Variants in PDE1A observed in about 807,000 individuals in gnomAD.
PDE1A encodes phosphodiesterase 1A, also known as dual specificity calcium/calmodulin-dependent 3',5'-cyclic nucleotide phosphodiesterase 1A.
In PDE1A, 35 loss-of-function variants were observed where a neutral mutation model predicts 61.7. The observed-to-expected ratio is 0.57, with a 90% CI of 0.43 to 0.75. PDE1A has a LOEUF of 0.75. Among genes scored for constraint, PDE1A ranks in the 30% least tolerant of loss-of-function variants. The pLI, the probability that PDE1A is intolerant of heterozygous loss-of-function variation, is 0.00. For synonymous variants in PDE1A, 232 were observed against 213.2 expected (o/e 1.09, Z -0.77); for missense variants, 597 against 630.6 (o/e 0.95, Z 0.57).
chr2:182,703,456 C>G, the PDE1A span, among the ~76,000 whole-genome samples: 1 of 152,084 alleles, frequency 6.6e-6, no homozygotes, highest in Admixed American at 6.6e-5. Flanking sequence ...GAGAAGAATC[C>G]TAAAAGAGCT....
At chr2:182,343,484 G>A (rs912880008) in intron 1 of PDE1A, among the ~76,000 whole-genome samples, 4 of 152,086 alleles carry the variant, frequency 2.6e-5, no homozygotes, top group African/African-American at 9.7e-5. Flanking sequence ...TACAATATTA[G>A]TATAATATGT....
chr2:182,715,130 A>G, the PDE1A span, among the ~76,000 whole-genome samples: 11 of 152,314 alleles, frequency 7.2e-5, no homozygotes, highest in African/African-American at 2.6e-4. Flanking sequence ...GTGTGTAACA[A>G]AATGGTTACA....
At chr2:182,379,597 T>A (rs1402152579) in intron 1 of PDE1A, among the ~76,000 whole-genome samples, 1 of 152,192 alleles carries the variant, frequency 6.6e-6, no homozygotes. Flanking sequence ...TGACTAAATA[T>A]TCCTGTAAAG....
chr2:182,190,979 C>T (rs1247869696), intron 10 of PDE1A, among the ~76,000 whole-genome samples: 1 of 151,728 alleles, frequency 6.6e-6, no homozygotes, highest in East Asian at 1.9e-4. Flanking sequence ...AAAAAAAATC[C>T]ATAATTTAGA....
chr2:182,157,864 C>CA (rs1283979432), intron 13 of PDE1A, among the ~76,000 whole-genome samples: 1 of 152,158 alleles, frequency 6.6e-6, no homozygotes, highest in Non-Finnish European at 1.5e-5. Context: ...AGCTTGAAGC[C>CA]ACCAAATCTT....
At chr2:182,220,499 A>G (rs1688626518) in intron 7 of PDE1A, among the ~76,000 whole-genome samples, 2 of 152,112 alleles carry the variant, frequency 1.3e-5, no homozygotes, top group Admixed American at 1.3e-4. Context: ...TTTGTCTCAT[A>G]AAGCTAACAA....
At chr2:182,264,159 C>A in intron 2 of PDE1A, 142 bp downstream of exon 2, 1 of 546,930 alleles carries the variant, frequency 1.8e-6, no homozygotes, top group South Asian at 3.0e-5. Flanking sequence ...TGAAGAAGAA[C>A]ATTTCAAATT....
chr2:182,516,868 A>AGGGAGGGGGG (rs1553636799), intron 2 of PDE1A, among the ~76,000 whole-genome samples: 1 of 148,700 alleles, frequency 6.7e-6, no homozygotes, highest in African/African-American at 2.5e-5. Context: ...GGAGGGAGGA[A>AGGGAGGGGGG]GATGAATCTT....
chr2:182,669,339 G>A, the PDE1A span, among the ~76,000 whole-genome samples: 1 of 152,152 alleles, frequency 6.6e-6, no homozygotes, highest in South Asian at 2.1e-4. Flanking sequence ...TAAAGTGATG[G>A]GAATTATTGT....
chr2:182,624,135 A>C, the PDE1A span, among the ~76,000 whole-genome samples: 1 of 151,806 alleles, frequency 6.6e-6, no homozygotes, highest in Admixed American at 6.6e-5. Flanking sequence ...AAAAAAAAAA[A>C]AAAAAAAGAA....
chr2:182,358,602 C>T (rs1240695878), intron 1 of PDE1A, among the ~76,000 whole-genome samples: 1 of 152,126 alleles, frequency 6.6e-6, no homozygotes, highest in East Asian at 1.9e-4. Context: ...ATTATAGTTG[C>T]ATCTGTATCT....
At chr2:182,496,315 G>C (rs945264790) in intron 2 of PDE1A, among the ~76,000 whole-genome samples, 2 of 152,122 alleles carry the variant, frequency 1.3e-5, no homozygotes, top group Non-Finnish European at 2.9e-5. Flanking sequence ...AAAACATGTT[G>C]ATCACATTGT....
intron 1 of PDE1A, among the ~76,000 whole-genome samples, chr2:182,349,470 T>C (rs1698727890): frequency 6.6e-6 from 1 of 152,226 alleles, no homozygotes; most frequent in African/African-American, 2.4e-5. Flanking sequence ...TTTTTTATTT[T>C]TCTTGGTCAG....
chr2:182,251,645 C>T (rs184457373), intron 2 of PDE1A, among the ~76,000 whole-genome samples: 1 of 152,250 alleles, frequency 6.6e-6, no homozygotes, highest in Admixed American at 6.5e-5. Flanking sequence ...TCACAGCTTG[C>T]CAATTAATGG....
At chr2:182,513,447 G>C (rs1005994503) in intron 2 of PDE1A, among the ~76,000 whole-genome samples, 4 of 152,154 alleles carry the variant, frequency 2.6e-5, no homozygotes, top group African/African-American at 9.7e-5. Context: ...GTCCTTAAGG[G>C]AGTGCTAAAC....
intron 7 of PDE1A, among the ~76,000 whole-genome samples, chr2:182,217,579 A>T (rs1439484841): frequency 1.4e-5 from 2 of 147,288 alleles, no homozygotes; most frequent in Admixed American, 1.4e-4. Flanking sequence ...CAAGAAAAAA[A>T]CAAACAACCC....
At chr2:182,463,786 T>G (rs1250875311) in intron 2 of PDE1A, 1 of 152,188 alleles carries the variant, frequency 6.6e-6, no homozygotes, top group African/African-American at 2.4e-5. Context: ...ATGCAAAATA[T>G]GTACCACTTA....
intron 2 of PDE1A, among the ~76,000 whole-genome samples, chr2:182,491,340 A>G (rs144689964): frequency 3.5e-4 from 54 of 152,328 alleles, no homozygotes; most frequent in Non-Finnish European, 5.4e-4. Flanking sequence ...TTTAGTGAGT[A>G]TGCAAGTGAG....
At chr2:182,348,182 C>T (rs949588796) in intron 1 of PDE1A, among the ~76,000 whole-genome samples, 1 of 152,006 alleles carries the variant, frequency 6.6e-6, no homozygotes, top group Non-Finnish European at 1.5e-5. Context: ...TAAGGATTTG[C>T]TTTATGTTAA....
Sources: allele counts gnomAD v4.1 joint callset (sites outside exome capture counted in the v4.1 genomes callset), GRCh38; gene constraint gnomAD v4.1.1; transcripts MANE v1.5; gene names NCBI Gene and HGNC (gene_info 2026-07-23, HGNC 2026-07-21).